UMAD1: variants seen among roughly 807,000 people sequenced by gnomAD.
UMAD1 encodes the protein UBAP1-MVB12-associated (UMA) domain containing 1.
A neutral mutation model predicts 6.1 loss-of-function variants in UMAD1; 8 were observed. That is an observed-to-expected ratio of 1.30 (90% CI 0.76 to 2.35). The LOEUF is 2.35. Among genes scored for constraint, UMAD1 ranks in the 30% most tolerant of loss-of-function variants. The pLI is 0.00. For synonymous variants in UMAD1, 56 were observed against 31.4 expected, an observed-to-expected ratio of 1.78 and a Z score of -2.61; for missense variants, 130 against 78.4, an observed-to-expected ratio of 1.66 and a Z score of -2.49.
At chr7:7,709,195 T>C (rs940959824) in intron 2 of UMAD1, among the ~76,000 whole-genome samples, 8 of 152,214 alleles carry the variant, frequency 5.3e-5, no homozygotes, top group African/African-American at 1.9e-4. Context: ...TGTTTTCCTA[T>C]CTGTGTGCTG....
intron 3 of UMAD1, chr7:7,868,459 T>C (rs1043028821): frequency 6.6e-6 from 1 of 151,852 alleles, no homozygotes; most frequent in Non-Finnish European, 1.5e-5. Context: ...TCAGCTGGAG[T>C]TCTGAAAAGA....
At chr7:7,817,018 T>C (rs1783142076) in intron 3 of UMAD1, among the ~76,000 whole-genome samples, 1 of 152,240 alleles carries the variant, frequency 6.6e-6, no homozygotes, top group Non-Finnish European at 1.5e-5. Context: ...CGTGGTCTGG[T>C]CCTGCTCCTC....
intron 2 of UMAD1, among the ~76,000 whole-genome samples, chr7:7,782,876 C>T (rs1484562302): frequency 6.6e-6 from 1 of 151,934 alleles, no homozygotes; most frequent in East Asian, 1.9e-4. Context: ...ACTACAGATG[C>T]ACGCCACCAC....
chr7:7,705,510 G>A (rs1372358202), intron 2 of UMAD1, among the ~76,000 whole-genome samples: 10 of 152,130 alleles, frequency 6.6e-5, no homozygotes, highest in Non-Finnish European at 1.3e-4. Flanking sequence ...ATTACAAAAT[G>A]CTTAATACAT....
At chr7:7,740,852 C>T (rs1187255871) in intron 2 of UMAD1, 2 of 152,094 alleles carry the variant, frequency 1.3e-5, no homozygotes, top group Non-Finnish European at 2.9e-5. Context: ...TCTGTTTTAT[C>T]AATTGCAAAT....
At chr7:7,861,063 C>T (rs1485525088) in intron 3 of UMAD1, among the ~76,000 whole-genome samples, 2 of 151,910 alleles carry the variant, frequency 1.3e-5, no homozygotes, top group East Asian at 3.9e-4. Context: ...TATATAGAGA[C>T]AAAAAGTGTT....
At chr7:7,823,132 A>G (rs1783273168) in intron 3 of UMAD1, among the ~76,000 whole-genome samples, 1 of 152,146 alleles carries the variant, frequency 6.6e-6, no homozygotes, top group Non-Finnish European at 1.5e-5. Flanking sequence ...TTTTATAATT[A>G]GTCATTTAAG....
At chr7:7,819,480 T>C (rs1783200541) in intron 3 of UMAD1, among the ~76,000 whole-genome samples, 1 of 152,110 alleles carries the variant, frequency 6.6e-6, no homozygotes, top group African/African-American at 2.4e-5. Flanking sequence ...ATACACACGC[T>C]GGGAGCCTGC....
chr7:7,705,427 G>A (rs1430866192), intron 2 of UMAD1, among the ~76,000 whole-genome samples: 1 of 152,170 alleles, frequency 6.6e-6, no homozygotes, highest in East Asian at 1.9e-4. Flanking sequence ...TAACTATGTA[G>A]GTTTAAGTTA....
chr7:7,736,699 A>C (rs1333725273), intron 2 of UMAD1: 1 of 152,204 alleles, frequency 6.6e-6, no homozygotes, highest in Non-Finnish European at 1.5e-5. Flanking sequence ...CTGAATCCTA[A>C]AGCCCTTTCT....
intron 3 of UMAD1, among the ~76,000 whole-genome samples, chr7:7,803,401 G>T (rs182622470): frequency 1.3e-5 from 2 of 152,158 alleles, no homozygotes; most frequent in African/African-American, 4.8e-5. Flanking sequence ...CTTGAGCCCG[G>T]GAATTCAAGG....
intron 3 of UMAD1, among the ~76,000 whole-genome samples, chr7:7,825,673 A>G (rs927867149): frequency 2.0e-5 from 3 of 152,140 alleles, no homozygotes; most frequent in African/African-American, 7.2e-5. Context: ...ATATCACCCT[A>G]TTTCCAAAGA....
chr7:7,795,106 A>G (rs2115267568), intron 2 of UMAD1, among the ~76,000 whole-genome samples: 2 of 152,332 alleles, frequency 1.3e-5, no homozygotes, highest in East Asian at 3.9e-4. Flanking sequence ...TATACCTTAC[A>G]TGTATTGACT....
intron 2 of UMAD1, among the ~76,000 whole-genome samples, chr7:7,709,080 A>C (rs1271939958): frequency 1.3e-5 from 2 of 152,124 alleles, no homozygotes; most frequent in Non-Finnish European, 2.9e-5. Flanking sequence ...CACATCTTTC[A>C]GTGTCTTGCA....
At chr7:7,751,579 A>G (rs1241417259) in intron 2 of UMAD1, among the ~76,000 whole-genome samples, 4 of 152,184 alleles carry the variant, frequency 2.6e-5, no homozygotes, top group Non-Finnish European at 5.9e-5. Flanking sequence ...CTGATATTGA[A>G]TGTTGTATAT....
At chr7:7,751,272 T>C (rs1781672600) in intron 2 of UMAD1, among the ~76,000 whole-genome samples, 1 of 152,188 alleles carries the variant, frequency 6.6e-6, no homozygotes, top group Admixed American at 6.5e-5. Context: ...TTTTAATGAA[T>C]GTGTGGGGCA....
chr7:7,714,107 A>T (rs930211880), intron 2 of UMAD1, among the ~76,000 whole-genome samples: 1 of 152,252 alleles, frequency 6.6e-6, no homozygotes, highest in Non-Finnish European at 1.5e-5. Flanking sequence ...AAGATTTTTA[A>T]TTTAATGTCC....
intron 3 of UMAD1, among the ~76,000 whole-genome samples, chr7:7,817,526 C>T (rs1041496691): frequency 2.6e-5 from 4 of 152,182 alleles, no homozygotes; most frequent in Non-Finnish European, 5.9e-5. Context: ...GAATTATTCT[C>T]ACCAGGTTCT....
intron 3 of UMAD1, among the ~76,000 whole-genome samples, chr7:7,854,294 G>T (rs1299117985): frequency 8.9e-5 from 13 of 146,016 alleles, no homozygotes; most frequent in Non-Finnish European, 8.9e-5. Flanking sequence ...GGCAGAGGTT[G>T]TGGTGAGCCA....
Sources: gnomAD v4.1 joint callset for allele counts (sites outside exome capture counted in the v4.1 genomes callset) on GRCh38, gnomAD v4.1.1 for gene constraint, MANE v1.5 for transcripts, NCBI Gene and HGNC (gene_info 2026-07-23, HGNC 2026-07-21) for gene names.